Variants in SETDB2 observed in about 807,000 individuals in gnomAD.
SETDB2 encodes the protein SET domain bifurcated histone lysine methyltransferase 2.
In SETDB2, 56 loss-of-function variants were observed where a neutral mutation model predicts 82.5. The observed-to-expected ratio is 0.68, with a 90% confidence interval of 0.55 to 0.85. The LOEUF is 0.85. SETDB2 is among the 40% of genes least tolerant of loss of function. The probability of loss-of-function intolerance (pLI) is 0.00; values close to 1 mark genes in which losing one functional copy is unlikely to be tolerated. For missense variants in SETDB2, 677 were observed against 816.4 expected, an observed-to-expected ratio of 0.83 and a Z score of 2.08; for synonymous variants, 272 against 284.9, an observed-to-expected ratio of 0.95 and a Z score of 0.46.
chr13:49,473,736 T>G (rs1958296689), intron 5 of SETDB2, among the ~76,000 whole-genome samples: 3 of 152,086 alleles, frequency 2.0e-5, no homozygotes, highest in African/African-American at 7.2e-5. Flanking sequence ...GTAACCTATA[T>G]CAAAACAAAG....
At chr13:49,479,597 A>G (rs1958439130) in intron 6 of SETDB2, among the ~76,000 whole-genome samples, 1 of 152,208 alleles carries the variant, frequency 6.6e-6, no homozygotes, top group Non-Finnish European at 1.5e-5. Flanking sequence ...TAACCAGCTC[A>G]CCAGCAGTCA....
chr13:49,467,785 A>G lies in SETDB2; in HGVS notation c.209-79A>G, dbSNP rs551747954. 7.5e-5 allele frequency: 78 copies of G among 1,036,160 alleles called. 1 individual carries two copies. Among genetic ancestry groups the G allele is most frequent in the South Asian group, 6.2e-4 (35 of 56,148 alleles). The allele number at this position is 1,036,160 out of a possible 1,614,324, so 64.2% of individuals were successfully genotyped here. A position where few individuals can be genotyped will look rare whatever the true frequency, so the allele number is the denominator to read the frequency against. On this transcript the variant is annotated intron_variant, in intron 4 of 13. Transcript: ENST00000611815. ...GATCCATATGGGCAGACTCTAGTCA[A>G]TGAACATATTACTTGGGTACTTATA...
intron 11 of SETDB2, among the ~76,000 whole-genome samples, chr13:49,486,985 A>G (rs574567246): frequency 6.6e-6 from 1 of 151,880 alleles, no homozygotes; most frequent in Non-Finnish European, 1.5e-5. Flanking sequence ...TTTGTGTATT[A>G]TATTTATTTT....
intron 1 of SETDB2, among the ~76,000 whole-genome samples, chr13:49,446,883 C>T (rs1056882845): frequency 6.6e-6 from 1 of 152,090 alleles, no homozygotes; most frequent in Non-Finnish European, 1.5e-5. Flanking sequence ...GGATATATAC[C>T]TAAAAGTGGA....
At chr13:49,468,513 T>C (rs1163488397) in intron 5 of SETDB2, among the ~76,000 whole-genome samples, 1 of 151,676 alleles carries the variant, frequency 6.6e-6, no homozygotes, top group Non-Finnish European at 1.5e-5. Flanking sequence ...TACCTGGGCC[T>C]AACCCTTCAA....
intron 3 of SETDB2, 137 bp downstream of exon 3, chr13:49,460,369 T>C: frequency 1.1e-6 from 1 of 916,016 alleles, no homozygotes; most frequent in South Asian, 2.3e-5. Context: ...CTACTGAATT[T>C]CTTTTTATCT....
Position 49,457,215 on chromosome 13 carries a change from C to CTTT in SETDB2, c.17-2879_17-2877dup, listed in dbSNP as rs573356682. The stretch of plus-strand genomic sequence containing the variant: ...GTAGCATGTATTGGCATTTCTAAGA[C>CTTT]TTTTTTTTTTTTTTTGAAAGAGTCT... On this transcript the variant is annotated intron_variant, in intron 2 of 13. Transcript: ENST00000611815. Among the ~76,000 whole-genome samples the CTTT allele has an allele frequency of 2.7e-3, 221 of 80,990 alleles. 5 individuals carry two copies. Among genetic ancestry groups the CTTT allele is most frequent in the South Asian group, 8.1e-3 (26 of 3,210 alleles). The allele number at this position is 80,990 out of a possible 152,430, so 53.1% of individuals were successfully genotyped here. A position where few individuals can be genotyped will look rare whatever the true frequency, so the allele number is the denominator to read the frequency against.
intron 5 of SETDB2, among the ~76,000 whole-genome samples, chr13:49,471,082 T>A (rs1259566883): frequency 1.4e-5 from 2 of 147,994 alleles, no homozygotes; most frequent in African/African-American, 5.0e-5. Flanking sequence ...CGATCCTTCC[T>A]CCTCAGACTC....
Position 49,490,995 on chromosome 13 carries a change from G to C in SETDB2, c.2006+85G>C, listed in dbSNP as rs142861119. The stretch of plus-strand genomic sequence containing the variant: ...GGGCTGAGTGCTGTGGCTCATACCT[G>C]TAATCCCAGCACTTTGGGAGGCCAA... On this transcript the variant is annotated intron_variant, in intron 13 of 13. Transcript: ENST00000611815. 2.3e-4 allele frequency: 255 copies of C among 1,091,534 alleles called. No homozygotes were observed. The African/African-American group carries it at 3.6e-3, about 16-fold the overall frequency. 67.6% of individuals were successfully genotyped at this position (1,091,534 alleles called of 1,614,324 possible).
At chr13:49,474,146 C>T (rs1471042722) in intron 5 of SETDB2, among the ~76,000 whole-genome samples, 2 of 152,188 alleles carry the variant, frequency 1.3e-5, no homozygotes, top group Non-Finnish European at 2.9e-5. Context: ...CCTGTAATCC[C>T]AGCTACTTGG....
At chr13:49,474,903 C>T (rs1343865472) in intron 5 of SETDB2, among the ~76,000 whole-genome samples, 2 of 152,260 alleles carry the variant, frequency 1.3e-5, no homozygotes, top group South Asian at 2.1e-4. Flanking sequence ...TCAGTAACCA[C>T]ATGTGCCCAC....
intron 7 of SETDB2, 54 bp downstream of exon 7, chr13:49,480,389 C>CT: frequency 9.1e-7 from 1 of 1,102,794 alleles, no homozygotes; most frequent in South Asian, 1.7e-5. Context: ...AAGGTGGGTA[C>CT]TTTTTATTGT....
In SETDB2 at chr13:49,444,456, C is replaced by T. The variant is rs560984449; in HGVS notation, c.-743C>T. On this transcript the variant is annotated 5_prime_UTR_variant, in exon 1 of 14. Transcript: ENST00000611815. ...AACCCAGCCTTGCCAACGGAGCTGGCGGAGCTCACTCCTCAGGTCAGGCGG... is the reference window on the plus strand; with the variant it reads ...AACCCAGCCTTGCCAACGGAGCTGGTGGAGCTCACTCCTCAGGTCAGGCGG... 13 of 177,926 alleles carry T rather than the reference C, an allele frequency of 7.3e-5. No individual in the cohort carries two copies. Among genetic ancestry groups the T allele is most frequent in the South Asian group, 8.8e-5 (1 of 11,384 alleles). 11.0% of individuals were successfully genotyped at this position (177,926 alleles called of 1,614,324 possible). A position where few individuals can be genotyped will look rare whatever the true frequency, so the allele number is the denominator to read the frequency against.
At chr13:49,487,743 G>A in intron 11 of SETDB2, among the ~76,000 whole-genome samples, 1 of 152,190 alleles carries the variant, frequency 6.6e-6, no homozygotes, top group East Asian at 1.9e-4. Context: ...GTTTACAAAG[G>A]TGTAATTATT....
Position 49,488,511 on chromosome 13 carries a change from G to A in SETDB2, c.1798G>A (p.Asp600Asn), listed in dbSNP as rs775497792. Residue 600 changes from aspartate (D) to asparagine (N), a missense_variant, in exon 12 of 14, where the codon GAT becomes AAT. Around this residue, in one of 3 missense-constraint regions of SETDB2, gnomAD observed 420 missense variants for 554.6 expected, o/e 0.76. Coordinates refer to ENST00000611815, the MANE Select transcript of SETDB2 (RefSeq NM_001160308.3). The stretch of plus-strand genomic sequence containing the variant: ...ATGTCAAAGACAGCAGGTATTTTGT[G>A]ATGAAGAGTTGCTAAGTGAAACCAA... Reference protein sequence around the residue: ...TACQRQQVFCDEELLSETKNT... With the variant: ...TACQRQQVFCNEELLSETKNT... 1 of 1,614,108 alleles carries A rather than the reference G, an allele frequency of 6.2e-7. No homozygotes were observed. Among genetic ancestry groups the A allele is most frequent in the South Asian group, 1.1e-5 (1 of 91,056 alleles).
intron 5 of SETDB2, among the ~76,000 whole-genome samples, chr13:49,475,115 A>C (rs1356329724): frequency 1.3e-5 from 2 of 152,214 alleles, no homozygotes; most frequent in African/African-American, 4.8e-5. Flanking sequence ...CACTCATGGC[A>C]GAAGGCAAGC....
At chr13:49,465,149 G>A (rs1337460769) in intron 4 of SETDB2, among the ~76,000 whole-genome samples, 2 of 151,918 alleles carry the variant, frequency 1.3e-5, no homozygotes, top group Non-Finnish European at 2.9e-5. Context: ...AGAACTTTGT[G>A]TTGAGGTCAA....
At chr13:49,449,032 A>G (rs1957741899) in intron 1 of SETDB2, among the ~76,000 whole-genome samples, 1 of 152,108 alleles carries the variant, frequency 6.6e-6, no homozygotes, top group Admixed American at 6.5e-5. Context: ...ATAATTGCAG[A>G]TGTCTTTTTC....
intron 1 of SETDB2, among the ~76,000 whole-genome samples, chr13:49,446,128 A>C (rs1433841787): frequency 3.3e-5 from 5 of 152,086 alleles, no homozygotes; most frequent in Admixed American, 2.6e-4. Context: ...TTTCTGGAAG[A>C]GAGTTTGACA....
Sources: gnomAD v4.1 joint callset for allele counts (sites outside exome capture counted in the v4.1 genomes callset) on GRCh38, gnomAD v4.1.1 for gene constraint, gnomAD v4.1.1 regional missense constraint, MANE v1.5 for transcripts, NCBI Gene and HGNC (gene_info 2026-07-23, HGNC 2026-07-21) for gene names.